SYN3: variants seen among roughly 807,000 people sequenced by gnomAD.
SYN3 encodes synapsin III.
In SYN3, 35 loss-of-function variants were observed where a neutral mutation model predicts 65.8. That is an observed-to-expected ratio of 0.53 (90% CI 0.41 to 0.70). SYN3 has a LOEUF of 0.70. Among genes scored for constraint, SYN3 ranks in the 30% least tolerant of loss-of-function variants. The probability of loss-of-function intolerance (pLI) is 0.00; values close to 1 mark genes in which losing one functional copy is unlikely to be tolerated. For synonymous variants in SYN3, 270 were observed against 292.9 expected, an observed-to-expected ratio of 0.92 and a Z score of 0.80; for missense variants, 680 against 749.0, an observed-to-expected ratio of 0.91 and a Z score of 1.08.
In SYN3 at chr22:32,661,706, C is replaced by A. The variant is rs980622887; in HGVS notation, c.712-64970G>T. On this transcript the variant is annotated intron_variant, in intron 6 of 13. Transcript: ENST00000358763. Reference sequence around the variant, plus strand: ...AGCAGGGTCCTTCTCTTTCCCCCCACCTTTCTTGTCAACACCAACATCCTC... The same window carrying A: ...AGCAGGGTCCTTCTCTTTCCCCCCAACTTTCTTGTCAACACCAACATCCTC... Among the ~76,000 whole-genome samples the A allele has an allele frequency of 1.4e-4, 21 of 152,258 alleles. 1 individual carries two copies. The Middle Eastern group carries it at 0.01, about 74-fold the overall frequency.
chr22:32,764,632 C>A (rs1175990879), intron 6 of SYN3, among the ~76,000 whole-genome samples: 1 of 152,186 alleles, frequency 6.6e-6, no homozygotes, highest in Admixed American at 6.5e-5. Context: ...TTTACATAAT[C>A]TCCCGCTAAT....
chr22:33,032,136 A>G (rs2053765802), intron 1 of SYN3, among the ~76,000 whole-genome samples: 1 of 151,558 alleles, frequency 6.6e-6, no homozygotes, highest in Admixed American at 6.6e-5. Flanking sequence ...CTTGAACTTG[A>G]GAGGCAGTGG....
At chr22:32,900,668 C>T (rs553595775) in intron 4 of SYN3, among the ~76,000 whole-genome samples, 1 of 152,332 alleles carries the variant, frequency 6.6e-6, no homozygotes, top group East Asian at 1.9e-4. Context: ...GTATATACTC[C>T]TCACTTCATC....
At chr22:32,670,473 G>C (rs2060345355) in intron 6 of SYN3, among the ~76,000 whole-genome samples, 1 of 152,212 alleles carries the variant, frequency 6.6e-6, no homozygotes, top group South Asian at 2.1e-4. Flanking sequence ...CAAGACCAGA[G>C]ATGACGCTGG....
chr22:32,535,714 G>A (rs1018540907), intron 9 of SYN3, among the ~76,000 whole-genome samples: 11 of 152,104 alleles, frequency 7.2e-5, no homozygotes, highest in African/African-American at 2.2e-4. Flanking sequence ...CGCCCCATAG[G>A]GCACAGGCAT....
rs946012670 is a variant in SYN3 at position 33,040,834 on chromosome 22, T to C, written c.-163+17458A>G. Among the ~76,000 whole-genome samples, 9 of 152,294 alleles carry C rather than the reference T, an allele frequency of 5.9e-5. No homozygotes were observed. In the East Asian group the frequency reaches 1.5e-3, roughly 26 times the overall value. ...GTGTTTGCTTGCCCTTCCACCATGA[T>C]TGTAAATTTCCTGCGGCCTCCCCAG... On this transcript the variant is annotated intron_variant, in intron 1 of 13. Transcript: ENST00000358763.
At chr22:32,949,241 T>G (rs1266624760) in intron 3 of SYN3, among the ~76,000 whole-genome samples, 1 of 151,892 alleles carries the variant, frequency 6.6e-6, no homozygotes, top group Non-Finnish European at 1.5e-5. Context: ...GGTAAGACCC[T>G]TATATCTTTT....
chr22:32,771,206 G>A (rs1199840023), intron 6 of SYN3, among the ~76,000 whole-genome samples: 2 of 152,160 alleles, frequency 1.3e-5, no homozygotes, highest in Non-Finnish European at 2.9e-5. Context: ...ATGGTTTCCA[G>A]CTTCATCCAT....
At chr22:32,569,555 C>CTGTATATATATATATA (rs1230609085) in intron 7 of SYN3, among the ~76,000 whole-genome samples, 1 of 109,720 alleles carries the variant, frequency 9.1e-6, no homozygotes, top group African/African-American at 3.5e-5. Flanking sequence ...CTCTCTCTCT[C>CTGTATATATATATATA]TCTCTCTCTC....
chr22:32,742,453 T>C (rs932995178), intron 6 of SYN3, among the ~76,000 whole-genome samples: 3 of 152,080 alleles, frequency 2.0e-5, no homozygotes, highest in Non-Finnish European at 2.9e-5. Flanking sequence ...CAATACTCGC[T>C]GGCTTGGCAG....
chr22:32,626,942 C>T (rs945588003), intron 6 of SYN3, among the ~76,000 whole-genome samples: 1 of 152,158 alleles, frequency 6.6e-6, no homozygotes, highest in African/African-American at 2.4e-5. Flanking sequence ...GGTTGGTTGG[C>T]AATAATTTCC....
intron 1 of SYN3, among the ~76,000 whole-genome samples, chr22:33,010,279 C>T (rs2053317705): frequency 6.6e-6 from 1 of 151,930 alleles, no homozygotes; most frequent in South Asian, 2.1e-4. Context: ...ATCATACCAT[C>T]CTACAGTGTC....
At position 32,754,739 on chromosome 22, in the gene SYN3, G is replaced by A. The variant is rs78364078; in HGVS notation, c.711+110176C>T. ...TACACCTTGATGCCTTTGCTCCTTC[G>A]GCACTTGCTGAAAGGGAAGGTGAGC... On this transcript the variant is annotated intron_variant, in intron 6 of 13. Transcript: ENST00000358763. Among the ~76,000 whole-genome samples the A allele has an allele frequency of 9.9e-3, 1,510 of 152,288 alleles. 15 individuals carry two copies. Among genetic ancestry groups the A allele is most frequent in the Non-Finnish European group, 0.013 (916 of 68,024 alleles).
chr22:32,594,637 G>A (rs902112090), intron 7 of SYN3, among the ~76,000 whole-genome samples: 3 of 152,076 alleles, frequency 2.0e-5, no homozygotes, highest in East Asian at 1.9e-4. Context: ...ACAGGCATGC[G>A]CAACCACGCC....
At chr22:33,038,183 A>G (rs2053893413) in intron 1 of SYN3, among the ~76,000 whole-genome samples, 1 of 152,186 alleles carries the variant, frequency 6.6e-6, no homozygotes, top group Non-Finnish European at 1.5e-5. Flanking sequence ...TTTGCCAAAC[A>G]GCAGTAATGC....
chr22:32,766,437 T>A (rs917246779), intron 6 of SYN3, among the ~76,000 whole-genome samples: 5 of 152,214 alleles, frequency 3.3e-5, no homozygotes, highest in Non-Finnish European at 7.3e-5. Flanking sequence ...TTCTGCAAGG[T>A]CACTGCTGTT....
chr22:32,667,375 C>T (rs1433913469), intron 6 of SYN3, among the ~76,000 whole-genome samples: 1 of 152,068 alleles, frequency 6.6e-6, no homozygotes, highest in Non-Finnish European at 1.5e-5. Context: ...CTATGTATAT[C>T]ATTTGACACT....
At chr22:32,660,796 G>C (rs2001194) in intron 6 of SYN3, among the ~76,000 whole-genome samples, 40,175 of 151,954 alleles carry the variant, frequency 0.26, 7,088 homozygotes, top group East Asian at 0.71. Flanking sequence ...AGGATTAAGG[G>C]TCTTGGCCGA....
chr22:32,782,978 T>A (rs2046107851), intron 6 of SYN3, among the ~76,000 whole-genome samples: 1 of 152,244 alleles, frequency 6.6e-6, no homozygotes, highest in African/African-American at 2.4e-5. Flanking sequence ...CACTTCTCAT[T>A]GAAGCTTCCC....
Sources: allele counts gnomAD v4.1 joint callset (sites outside exome capture counted in the v4.1 genomes callset), GRCh38; gene constraint gnomAD v4.1.1; transcripts MANE v1.5; gene names NCBI Gene and HGNC (gene_info 2026-07-23, HGNC 2026-07-21).